Variants in ENTREP2 observed in about 807,000 individuals in gnomAD.
ENTREP2 encodes the protein endosomal transmembrane epsin interactor 2, also known as protein ENTREP2.
At chr15:29,532,960 C>A in the ENTREP2 span, among the ~76,000 whole-genome samples, 1 of 152,204 alleles carries the variant, frequency 6.6e-6, no homozygotes, top group Non-Finnish European at 1.5e-5. Flanking sequence ...ATATTTACCA[C>A]CCAAAGACAG....
the ENTREP2 span, among the ~76,000 whole-genome samples, chr15:29,228,743 C>G: frequency 1.3e-5 from 2 of 152,110 alleles, no homozygotes; most frequent in Non-Finnish European, 2.9e-5. Context: ...AGTGAGATAA[C>G]AGACCTTGCA....
chr15:29,221,023 A>T, the ENTREP2 span, among the ~76,000 whole-genome samples: 1 of 152,212 alleles, frequency 6.6e-6, no homozygotes, highest in South Asian at 2.1e-4. Context: ...ACAGGATGAG[A>T]ATAAATCTGA....
chr15:29,241,199 C>T, the ENTREP2 span, among the ~76,000 whole-genome samples: 15 of 152,212 alleles, frequency 9.9e-5, no homozygotes, highest in African/African-American at 2.2e-4. Flanking sequence ...GTCAGGCCTG[C>T]GATAGCAAAA....
chr15:29,146,943 A>AG, the ENTREP2 span, among the ~76,000 whole-genome samples: 6 of 152,122 alleles, frequency 3.9e-5, no homozygotes, highest in African/African-American at 1.4e-4. Context: ...TTGGGGAAAA[A>AG]AAAAAACCAA....
the ENTREP2 span, among the ~76,000 whole-genome samples, chr15:29,325,324 C>T: frequency 1.3e-5 from 2 of 151,644 alleles, no homozygotes; most frequent in East Asian, 3.9e-4. Context: ...AAAGAAAATA[C>T]TAAAAATTAA....
the ENTREP2 span, among the ~76,000 whole-genome samples, chr15:29,500,643 C>A: frequency 2.6e-5 from 4 of 151,852 alleles, no homozygotes; most frequent in African/African-American, 4.8e-5. Context: ...TCTGTAAATG[C>A]CTTCACTAAT....
At chr15:29,513,774 C>T in the ENTREP2 span, among the ~76,000 whole-genome samples, 3 of 152,206 alleles carry the variant, frequency 2.0e-5, no homozygotes, top group Non-Finnish European at 2.9e-5. Flanking sequence ...GAGGCTCTCA[C>T]CAGGAGCACC....
At chr15:29,379,113 T>C in the ENTREP2 span, among the ~76,000 whole-genome samples, 2 of 152,224 alleles carry the variant, frequency 1.3e-5, no homozygotes, top group Non-Finnish European at 2.9e-5. Flanking sequence ...GGGAAGTGCC[T>C]GTCCAGAGAG....
chr15:29,223,287 C>A, the ENTREP2 span, among the ~76,000 whole-genome samples: 7 of 152,174 alleles, frequency 4.6e-5, no homozygotes, highest in African/African-American at 1.7e-4. Context: ...TGGGTGGCAG[C>A]CGCTCCCTCC....
At chr15:29,571,872 C>A in the ENTREP2 span, among the ~76,000 whole-genome samples, 1 of 152,104 alleles carries the variant, frequency 6.6e-6, no homozygotes, top group Non-Finnish European at 1.5e-5. Flanking sequence ...TAAGAGATCA[C>A]CAGCGTTAGG....
the ENTREP2 span, among the ~76,000 whole-genome samples, chr15:29,407,555 G>A: frequency 6.6e-6 from 1 of 152,150 alleles, no homozygotes. Flanking sequence ...CGAAGACCCA[G>A]GGAAGTCCCT....
chr15:29,527,220 A>G, the ENTREP2 span, among the ~76,000 whole-genome samples: 6 of 152,160 alleles, frequency 3.9e-5, no homozygotes, highest in East Asian at 3.9e-4. Flanking sequence ...CCTGCATCCA[A>G]TGCCATCCGT....
chr15:29,422,856 G>GT, the ENTREP2 span, among the ~76,000 whole-genome samples: 1 of 152,212 alleles, frequency 6.6e-6, no homozygotes, highest in Non-Finnish European at 1.5e-5. Flanking sequence ...GGAATTAGAA[G>GT]TAAGTATGGA....
At chr15:29,255,958 G>A in the ENTREP2 span, among the ~76,000 whole-genome samples, 6 of 143,828 alleles carry the variant, frequency 4.2e-5, no homozygotes, top group South Asian at 4.4e-4. Flanking sequence ...CCAAGATCAC[G>A]CTACTGCACT....
the ENTREP2 span, among the ~76,000 whole-genome samples, chr15:29,475,185 C>T: frequency 2.0e-5 from 3 of 152,124 alleles, no homozygotes; most frequent in African/African-American, 7.2e-5. Flanking sequence ...GCCCCCAGTC[C>T]TCACTGCACA....
chr15:29,383,101 T>C, the ENTREP2 span, among the ~76,000 whole-genome samples: 4 of 152,134 alleles, frequency 2.6e-5, no homozygotes, highest in African/African-American at 9.7e-5. Context: ...ACCTGTCTCC[T>C]GAGCCCTTTG....
chr15:29,650,864 A>G, the ENTREP2 span, among the ~76,000 whole-genome samples: 5 of 152,168 alleles, frequency 3.3e-5, no homozygotes, highest in Non-Finnish European at 7.3e-5. Context: ...AATGAAGTAC[A>G]ATACATTAGC....
At chr15:29,548,643 A>G in the ENTREP2 span, among the ~76,000 whole-genome samples, 7 of 152,176 alleles carry the variant, frequency 4.6e-5, no homozygotes, top group African/African-American at 1.7e-4. Context: ...TAAAACTATT[A>G]AAGAAGAAAG....
chr15:29,296,896 G>A, the ENTREP2 span, among the ~76,000 whole-genome samples: 1 of 152,156 alleles, frequency 6.6e-6, no homozygotes, highest in African/African-American at 2.4e-5. Flanking sequence ...TGGGTCAAAT[G>A]TGGCCTATTG....
Sources: gnomAD v4.1 joint callset for allele counts (sites outside exome capture counted in the v4.1 genomes callset) on GRCh38, gnomAD v4.1.1 for gene constraint, MANE v1.5 for transcripts, NCBI Gene and HGNC (gene_info 2026-07-23, HGNC 2026-07-21) for gene names.